Variants in OSBPL9 observed in about 807,000 individuals in gnomAD.
The protein encoded by OSBPL9 is oxysterol binding protein like 9.
A neutral mutation model predicts 106.6 loss-of-function variants in OSBPL9; 40 were observed. That is an observed-to-expected ratio of 0.38 (90% CI 0.29 to 0.49). The LOEUF (loss-of-function observed/expected upper bound fraction) is 0.49, where lower values mean the gene tolerates loss of function less well. Ranked by LOEUF, OSBPL9 falls within the 20% of genes least tolerant of loss-of-function variation. The probability of loss-of-function intolerance (pLI) is 0.97; values close to 1 mark genes in which losing one functional copy is unlikely to be tolerated. For missense variants in OSBPL9, 609 were observed against 887.2 expected, an observed-to-expected ratio of 0.69 and a Z score of 3.98; for synonymous variants, 269 against 295.4, an observed-to-expected ratio of 0.91 and a Z score of 0.92.
At chr1:51,740,840 C>T (rs951767714) in intron 4 of OSBPL9, among the ~76,000 whole-genome samples, 5 of 152,142 alleles carry the variant, frequency 3.3e-5, no homozygotes, top group African/African-American at 1.2e-4. Flanking sequence ...ACCTTTATCT[C>T]CACTGTTCAT....
At chr1:51,747,831 C>G (rs1048506867) in intron 6 of OSBPL9, among the ~76,000 whole-genome samples, 1 of 152,006 alleles carries the variant, frequency 6.6e-6, no homozygotes, top group Non-Finnish European at 1.5e-5. Context: ...GCTCTGTCGC[C>G]CAGGCTGGAG....
At chr1:51,686,468 G>T (rs1031418177) in intron 3 of OSBPL9, among the ~76,000 whole-genome samples, 8 of 152,268 alleles carry the variant, frequency 5.3e-5, no homozygotes, top group African/African-American at 1.9e-4. Context: ...CTTCACTGCT[G>T]TTCTCTCTCC....
At chr1:51,520,587 T>C in the OSBPL9 span, among the ~76,000 whole-genome samples, 2 of 152,236 alleles carry the variant, frequency 1.3e-5, no homozygotes, top group African/African-American at 4.8e-5. Context: ...TTGCCCGAAT[T>C]GGTCTTAATT....
chr1:51,641,156 C>G (rs1214631274), intron 1 of OSBPL9, among the ~76,000 whole-genome samples: 3 of 151,998 alleles, frequency 2.0e-5, no homozygotes, highest in Non-Finnish European at 4.4e-5. Context: ...ATTACTTTTT[C>G]CTAAGGATTT....
At chr1:51,774,656 T>C (rs1055825522) in intron 14 of OSBPL9, among the ~76,000 whole-genome samples, 1 of 152,148 alleles carries the variant, frequency 6.6e-6, no homozygotes, top group African/African-American at 2.4e-5. Context: ...CCTTTTCAGG[T>C]ACTTAGAGAA....
At chr1:51,579,296 T>C (rs1218061969) in intron 1 of OSBPL9, among the ~76,000 whole-genome samples, 1 of 152,180 alleles carries the variant, frequency 6.6e-6, no homozygotes, top group Non-Finnish European at 1.5e-5. Flanking sequence ...CTTGAGTATT[T>C]GTGTGCATAT....
intron 1 of OSBPL9, among the ~76,000 whole-genome samples, chr1:51,648,636 A>G (rs1646317249): frequency 6.6e-6 from 1 of 152,212 alleles, no homozygotes; most frequent in Non-Finnish European, 1.5e-5. Flanking sequence ...GTGAAAGAGG[A>G]TAATTTGATG....
the OSBPL9 span, among the ~76,000 whole-genome samples, chr1:51,544,805 C>A: frequency 6.9e-6 from 1 of 145,854 alleles, no homozygotes; most frequent in Non-Finnish European, 1.5e-5. Context: ...TTAAAAATTA[C>A]ATCCAACAGT....
chr1:51,736,580 A>T (rs1478979264), intron 4 of OSBPL9, among the ~76,000 whole-genome samples: 1 of 152,194 alleles, frequency 6.6e-6, no homozygotes, highest in Admixed American at 6.5e-5. Flanking sequence ...ATTAGGCTAT[A>T]AGAATTTTGC....
intron 3 of OSBPL9, among the ~76,000 whole-genome samples, chr1:51,683,631 A>G (rs1653099340): frequency 6.6e-6 from 1 of 152,074 alleles, no homozygotes; most frequent in East Asian, 2.0e-4. Flanking sequence ...TGTCTCTACC[A>G]AAAATACAAA....
chr1:51,605,165 CCT>C (rs570595919), intron 2 of OSBPL9, among the ~76,000 whole-genome samples: 1 of 152,150 alleles, frequency 6.6e-6, no homozygotes, highest in Non-Finnish European at 1.5e-5. Context: ...AGATTATTCC[CCT>C]GTCCTTAAAG....
upstream of OSBPL9, chr1:51,617,064 A>T: frequency 6.4e-7 from 1 of 1,565,588 alleles, no homozygotes; most frequent in Non-Finnish European, 8.7e-7. Flanking sequence ...TGAATGCCAT[A>T]TAGGCGAGTG....
intron 1 of OSBPL9, among the ~76,000 whole-genome samples, chr1:51,636,082 A>ATG (rs35392929): frequency 0.067 from 9,413 of 139,650 alleles, 345 homozygotes; most frequent in Middle Eastern, 0.1. Context: ...ATGTATGTAT[A>ATG]TGTGTGTGTG....
the OSBPL9 span, among the ~76,000 whole-genome samples, chr1:51,530,606 C>T: frequency 6.6e-6 from 1 of 151,824 alleles, no homozygotes; most frequent in Admixed American, 6.6e-5. Context: ...AAAAATTAGC[C>T]AGGCATAGTG....
chr1:51,668,479 G>C (rs566365047), intron 2 of OSBPL9, among the ~76,000 whole-genome samples: 1 of 151,850 alleles, frequency 6.6e-6, no homozygotes, highest in Non-Finnish European at 1.5e-5. Flanking sequence ...AAAGTTAGCC[G>C]GGTGTGGTGG....
intron 2 of OSBPL9, among the ~76,000 whole-genome samples, chr1:51,667,789 T>C (rs1557663446): frequency 6.6e-6 from 1 of 152,370 alleles, no homozygotes; most frequent in Non-Finnish European, 1.5e-5. Flanking sequence ...TGTCGTGGAA[T>C]AGCTAGGTTC....
intron 3 of OSBPL9, among the ~76,000 whole-genome samples, chr1:51,706,520 G>A (rs1227618730): frequency 1.3e-5 from 2 of 151,920 alleles, no homozygotes; most frequent in African/African-American, 4.8e-5. Context: ...AATTTCATTA[G>A]TTATTTTTAG....
chr1:51,741,754 T>A (rs1666967337), intron 4 of OSBPL9, among the ~76,000 whole-genome samples: 1 of 152,218 alleles, frequency 6.6e-6, no homozygotes, highest in Admixed American at 6.5e-5. Context: ...TCTTCTAATT[T>A]AATTTCTTGT....
At chr1:51,728,370 G>C (rs1272797121) in intron 4 of OSBPL9, among the ~76,000 whole-genome samples, 1 of 152,222 alleles carries the variant, frequency 6.6e-6, no homozygotes. Context: ...GCCAGGACCT[G>C]TTATAGGGTG....
Sources: allele counts gnomAD v4.1 joint callset (sites outside exome capture counted in the v4.1 genomes callset), GRCh38; gene constraint gnomAD v4.1.1; transcripts MANE v1.5; gene names NCBI Gene and HGNC (gene_info 2026-07-23, HGNC 2026-07-21).